MARCHF1: variants seen among roughly 807,000 people sequenced by gnomAD.
MARCHF1 encodes membrane associated ring-CH-type finger 1, also known as E3 ubiquitin-protein ligase MARCHF1.
A neutral mutation model predicts 54.2 loss-of-function variants in MARCHF1; 40 were observed. That is an observed-to-expected ratio of 0.74 (90% confidence interval 0.57 to 0.96). The LOEUF is 0.96. Among genes scored for constraint, MARCHF1 ranks in the 40% least tolerant of loss-of-function variants. The pLI is 0.00. For synonymous variants in MARCHF1, 236 were observed against 236.3 expected (o/e 1.00, Z 0.01); for missense variants, 586 against 656.5 (o/e 0.89, Z 1.17).
intron 3 of MARCHF1, among the ~76,000 whole-genome samples, chr4:163,930,478 G>GTTTT (rs34173667): frequency 7.4e-6 from 1 of 134,526 alleles, no homozygotes; most frequent in Non-Finnish European, 1.6e-5. Context: ...TGAAAATGGT[G>GTTTT]TTTTTTTTTT....
At chr4:164,176,979 T>C (rs11730149) in intron 1 of MARCHF1, among the ~76,000 whole-genome samples, 1 of 24,780 alleles carries the variant, frequency 4.0e-5, no homozygotes, top group Non-Finnish European at 8.7e-5. Context: ...TCTCTCTCTC[T>C]CTATATATAT....
chr4:164,156,567 G>A (rs1050607941), intron 1 of MARCHF1, among the ~76,000 whole-genome samples: 2 of 152,188 alleles, frequency 1.3e-5, no homozygotes, highest in Admixed American at 1.3e-4. Flanking sequence ...GGGACTACAG[G>A]CACACACCAC....
intron 1 of MARCHF1, among the ~76,000 whole-genome samples, chr4:164,231,916 T>C (rs913057242): frequency 6.6e-6 from 1 of 152,218 alleles, no homozygotes; most frequent in East Asian, 1.9e-4. Context: ...GACACTATAA[T>C]TGCAATTAAA....
intron 4 of MARCHF1, among the ~76,000 whole-genome samples, chr4:163,819,117 T>G (rs1162148232): frequency 1.3e-5 from 2 of 152,000 alleles, no homozygotes; most frequent in African/African-American, 4.8e-5. Context: ...CAGCTTGGAG[T>G]TGCCATTTTC....
At chr4:164,276,574 T>C (rs1277347171) in intron 1 of MARCHF1, among the ~76,000 whole-genome samples, 1 of 151,104 alleles carries the variant, frequency 6.6e-6, no homozygotes, top group African/African-American at 2.4e-5. Context: ...TACAATGATA[T>C]AACATAAAGG....
chr4:163,782,805 G>A (rs1171436044), intron 4 of MARCHF1, among the ~76,000 whole-genome samples: 3 of 152,096 alleles, frequency 2.0e-5, no homozygotes, highest in African/African-American at 7.2e-5. Context: ...AGCAGTATCA[G>A]GAAGAAAGAA....
intron 4 of MARCHF1, among the ~76,000 whole-genome samples, chr4:163,820,912 A>G (rs1258269652): frequency 6.6e-6 from 1 of 152,052 alleles, no homozygotes; most frequent in Non-Finnish European, 1.5e-5. Context: ...GTGTGGGCTG[A>G]GCTTTTAAAA....
At chr4:163,826,352 T>C (rs1560774416) in intron 4 of MARCHF1, among the ~76,000 whole-genome samples, 2 of 152,160 alleles carry the variant, frequency 1.3e-5, no homozygotes, top group East Asian at 1.9e-4. Flanking sequence ...ATTTCTTCCT[T>C]TTGGTTTAGA....
rs972458736 is a variant in MARCHF1 at position 164,213,209 on chromosome 4, ATTATTATTAT to A, written c.-322-101557_-322-101548del. ...TTTTCTCTGGGCTTTTACTTTTATT[ATTATTATTAT>A]TATTATTATTATTATTATTATTATT... On this transcript the variant is annotated intron_variant, in intron 1 of 9. Transcript: ENST00000514618. Among the ~76,000 whole-genome samples the A allele has an allele frequency of 2.6e-4, 10 of 37,836 alleles. No homozygotes were observed. In the African/African-American group the frequency reaches 2.7e-3, roughly 10 times the overall value. The allele number at this position is 37,836 out of a possible 152,430, so 24.8% of individuals were successfully genotyped here. A position where few individuals can be genotyped will look rare whatever the true frequency, so the allele number is the denominator to read the frequency against.
At chr4:163,664,165 A>ATG (rs1279886950) in intron 5 of MARCHF1, among the ~76,000 whole-genome samples, 1 of 152,134 alleles carries the variant, frequency 6.6e-6, no homozygotes, top group Non-Finnish European at 1.5e-5. Context: ...AGCAAAGAAC[A>ATG]TGTGTAAGAC....
intron 8 of MARCHF1, among the ~76,000 whole-genome samples, chr4:163,582,275 C>T (rs1420058093): frequency 6.6e-6 from 1 of 152,094 alleles, no homozygotes; most frequent in Non-Finnish European, 1.5e-5. Flanking sequence ...ATTAATGAGA[C>T]TTTTATTAAG....
intron 8 of MARCHF1, among the ~76,000 whole-genome samples, chr4:163,558,780 G>A (rs963194309): frequency 6.6e-5 from 10 of 152,138 alleles, no homozygotes; most frequent in Admixed American, 1.3e-4. Context: ...TGCGTGGAGC[G>A]TGCCCTAGAG....
chr4:164,278,896 G>T (rs780239521), intron 1 of MARCHF1, among the ~76,000 whole-genome samples: 2 of 152,014 alleles, frequency 1.3e-5, no homozygotes, highest in Non-Finnish European at 2.9e-5. Flanking sequence ...AGTTAAGAAT[G>T]ATAAAAATAA....
rs1483216579 is a variant in MARCHF1, at chr4:164,242,899, G to A, written c.-322-131237C>T. ...ATCAGCAATGGAAGATGAAATGAAT[G>A]AAATGAAGCGAGAAGGGAAGTTTAG... On this transcript the variant is annotated intron_variant, in intron 1 of 9. Coordinates refer to ENST00000514618, the MANE Select transcript of MARCHF1 (RefSeq NM_001394959.1). 2.7e-5 allele frequency among the ~76,000 whole-genome samples: 4 copies of A among 146,192 alleles called. No individual in the cohort carries two copies. The East Asian group carries it at 8.1e-4, about 30-fold the overall frequency.
At chr4:164,352,920 T>A (rs915093009) in intron 1 of MARCHF1, among the ~76,000 whole-genome samples, 3 of 74,558 alleles carry the variant, frequency 4.0e-5, no homozygotes, top group African/African-American at 1.3e-4. Flanking sequence ...GAGGAAGATC[T>A]ACCAAGCAAA....
chr4:163,670,791 T>C (rs1225611055), intron 5 of MARCHF1, among the ~76,000 whole-genome samples: 1 of 152,222 alleles, frequency 6.6e-6, no homozygotes, highest in Non-Finnish European at 1.5e-5. Flanking sequence ...ATACAATACT[T>C]ATCGAGAAAC....
intron 8 of MARCHF1, among the ~76,000 whole-genome samples, 155 bp from the exon 9 acceptor site, chr4:163,545,898 G>C (rs1738884102): frequency 6.6e-6 from 1 of 152,076 alleles, no homozygotes; most frequent in Non-Finnish European, 1.5e-5. Flanking sequence ...TTCATGTTTA[G>C]AGAGATATGA....
intron 4 of MARCHF1, among the ~76,000 whole-genome samples, chr4:163,773,493 C>T (rs1271127960): frequency 6.6e-6 from 1 of 152,136 alleles, no homozygotes; most frequent in East Asian, 1.9e-4. Flanking sequence ...TTTATCACTT[C>T]CATGGGCTAT....
intron 5 of MARCHF1, among the ~76,000 whole-genome samples, chr4:163,638,970 T>C (rs952118009): frequency 2.6e-5 from 4 of 152,148 alleles, no homozygotes; most frequent in Admixed American, 2.6e-4. Context: ...TTTACTTACA[T>C]AGGGTACCTA....
Sources: allele counts gnomAD v4.1 joint callset (sites outside exome capture counted in the v4.1 genomes callset), GRCh38; gene constraint gnomAD v4.1.1; transcripts MANE v1.5; gene names NCBI Gene and HGNC (gene_info 2026-07-23, HGNC 2026-07-21).